Variants in TRMT1L observed in about 807,000 individuals in gnomAD.
The protein encoded by TRMT1L is tRNA methyltransferase 1L.
A neutral mutation model predicts 81.6 loss-of-function variants in TRMT1L; 28 were observed. That is an observed-to-expected ratio of 0.34 (90% CI 0.25 to 0.47). The LOEUF (loss-of-function observed/expected upper bound fraction) is 0.47, where lower values mean the gene tolerates loss of function less well. Ranked by LOEUF, TRMT1L falls within the 20% of genes least tolerant of loss-of-function variation. The probability of loss-of-function intolerance (pLI) is 1.00; values close to 1 mark genes in which losing one functional copy is unlikely to be tolerated. For missense variants in TRMT1L, 739 were observed against 877.1 expected (o/e 0.84, Z 1.99); for synonymous variants, 301 against 303.2 (o/e 0.99, Z 0.07).
chr1:185,134,776 A>G (rs1652855887), intron 10 of TRMT1L, among the ~76,000 whole-genome samples: 4 of 152,234 alleles, frequency 2.6e-5, no homozygotes, highest in Admixed American at 2.6e-4. Flanking sequence ...AAAAGCTTTG[A>G]ACATGAAGGA....
chr1:185,156,430 G>T (rs1427526591), intron 1 of TRMT1L, 48 bp downstream of exon 1: 5 of 1,613,394 alleles, frequency 3.1e-6, no homozygotes, highest in South Asian at 1.1e-5. Context: ...CCAGCAAGGC[G>T]CACTTTCTCT....
intron 7 of TRMT1L, 64 bp downstream of exon 7, chr1:185,143,293 C>A: frequency 1.4e-6 from 2 of 1,423,064 alleles, no homozygotes; most frequent in East Asian, 2.4e-5. Context: ...TATATATTTT[C>A]TAAGAAAAAA....
At chr1:185,148,282 AC>A (rs1281622833) in intron 3 of TRMT1L, among the ~76,000 whole-genome samples, 3 of 152,032 alleles carry the variant, frequency 2.0e-5, no homozygotes, top group Non-Finnish European at 2.9e-5. Flanking sequence ...GATGCATCTC[AC>A]CCTTTAAATG....
intron 11 of TRMT1L, among the ~76,000 whole-genome samples, chr1:185,125,370 T>C (rs1013716808): frequency 6.6e-6 from 1 of 152,188 alleles, no homozygotes; most frequent in African/African-American, 2.4e-5. Context: ...TGTCATCATG[T>C]TGCCCAGGCT....
chr1:185,122,383 A>G (rs1054677178), intron 13 of TRMT1L, among the ~76,000 whole-genome samples: 2 of 152,184 alleles, frequency 1.3e-5, no homozygotes, highest in Non-Finnish European at 2.9e-5. Context: ...AAATTAGTCT[A>G]ATTTCCTTAA....
intron 1 of TRMT1L, among the ~76,000 whole-genome samples, chr1:185,154,705 T>C (rs1653446822): frequency 6.6e-6 from 1 of 152,220 alleles, no homozygotes; most frequent in Non-Finnish European, 1.5e-5. Flanking sequence ...AATCCTGTGG[T>C]CTACTACTGA....
At chr1:185,136,994 T>TA (rs5779243) in intron 10 of TRMT1L, among the ~76,000 whole-genome samples, 15,058 of 150,666 alleles carry the variant, frequency 0.1, 959 homozygotes, top group East Asian at 0.25. Context: ...CAACACAGAT[T>TA]AAAAAAAAAG....
intron 11 of TRMT1L, among the ~76,000 whole-genome samples, chr1:185,126,591 T>A (rs544822882): frequency 6.6e-6 from 1 of 152,218 alleles, no homozygotes; most frequent in African/African-American, 2.4e-5. Flanking sequence ...TAAAGGGAAT[T>A]TAGAGATTAT....
chr1:185,124,973 A>T lies in TRMT1L; in HGVS notation c.1730T>A (p.Ile577Asn). Residue 577 changes from isoleucine to asparagine, a missense_variant, in exon 12 of 15, where the codon ATT becomes AAT. By Grantham distance (149) the Ile-to-Asn change is moderately radical. Transcript: ENST00000367506. ...CTTGTTGACATTTGAAGATGCATGA[A>T]TTGAAAACTGACTTTGAGGCGTACA... ...SECTPQSQFS[I>N]HASSNVNKQE... is the part of the protein sequence containing the mutation. 6.2e-7 allele frequency: 1 copy of T among 1,611,940 alleles called. No homozygotes were observed. The highest frequency in any genetic ancestry group is 8.5e-7 in the Non-Finnish European group (1 of 1,178,730).
rs770069989 is a variant in TRMT1L at position 185,143,931 on chromosome 1, A to C, written c.754T>G (p.Phe252Val). ...YSIPQKTDSY[F>V]NPKMKLNRQL... ...CGATTTAGTTTCATTTTGGGGTTAA[A>C]ATAGGAATCTGTTTTCTGAGGTATA... The change falls in exon 6 of 15, where the codon TTT becomes GTT. Residue 252 changes from phenylalanine (F) to valine (V), a missense_variant. Physicochemically the swap from Phe to Val is conservative, Grantham distance 50 (BLOSUM62 -1). Around this residue, in one of 4 missense-constraint regions of TRMT1L, gnomAD observed 331 missense variants for 462.2 expected, o/e 0.72. Transcript: ENST00000367506. 5.6e-6 allele frequency: 9 copies of C among 1,608,722 alleles called. No individual in the cohort carries two copies. Among genetic ancestry groups the C allele is most frequent in the Non-Finnish European group, 7.6e-6 (9 of 1,176,804 alleles).
chr1:185,134,976 A>C (rs1411782117), intron 10 of TRMT1L, among the ~76,000 whole-genome samples: 1 of 152,272 alleles, frequency 6.6e-6, no homozygotes, highest in Admixed American at 6.5e-5. Context: ...AGATGGTATA[A>C]CAAACAAAAA....
At position 185,156,783 on chromosome 1, in the gene TRMT1L, G is replaced by A. The variant is rs1215507980; in HGVS notation, c.-71C>T. 2 of 1,592,398 alleles carry A rather than the reference G, an allele frequency of 1.3e-6. No homozygotes were observed. Among genetic ancestry groups the A allele is most frequent in the Admixed American group, 1.8e-5 (1 of 56,740 alleles). Reference sequence around the variant, plus strand: ...CTCACGGCGGGGTCAGAGAACTGACGTGAATGCCCACAGGGCTGGATCCAA... The same window carrying A: ...CTCACGGCGGGGTCAGAGAACTGACATGAATGCCCACAGGGCTGGATCCAA... On this transcript the variant is annotated 5_prime_UTR_variant, in exon 1 of 15. It adds an upstream start codon to the 5' untranslated region. Coordinates refer to ENST00000367506, the MANE Select transcript of TRMT1L (RefSeq NM_030934.5).
At chr1:185,140,981 A>AC (rs1653023616) in intron 7 of TRMT1L, among the ~76,000 whole-genome samples, 2 of 151,702 alleles carry the variant, frequency 1.3e-5, no homozygotes, top group Admixed American at 1.3e-4. Context: ...AAAAAAAAAA[A>AC]AAAACAACAA....
In TRMT1L at chr1:185,120,280, A is replaced by C; in HGVS notation, c.1950-9T>G. 1.3e-6 allele frequency: 2 copies of C among 1,523,860 alleles called. No homozygotes were observed. Among genetic ancestry groups the C allele is most frequent in the Non-Finnish European group, 1.8e-6 (2 of 1,137,040 alleles). 94.4% of individuals were successfully genotyped at this position (1,523,860 alleles called of 1,614,324 possible). A position where few individuals can be genotyped will look rare whatever the true frequency, so the allele number is the denominator to read the frequency against. On this transcript the variant is annotated splice_polypyrimidine_tract_variant and intron_variant, in intron 14 of 14. Transcript: ENST00000367506. ...ACAAAAACTTTTTTAACCTGCAAAA[A>C]GGAAAGGAAAGAAAAAATAATCAGG...
chr1:185,135,577 A>G (rs1404100001), intron 10 of TRMT1L, among the ~76,000 whole-genome samples: 1 of 152,110 alleles, frequency 6.6e-6, no homozygotes, highest in Non-Finnish European at 1.5e-5. Context: ...ATTAGACAAC[A>G]CTTAGCTCAA....
At chr1:185,130,718 A>C (rs1056292637) in intron 10 of TRMT1L, among the ~76,000 whole-genome samples, 1 of 152,198 alleles carries the variant, frequency 6.6e-6, no homozygotes, top group African/African-American at 2.4e-5. Context: ...AGATGAAGTT[A>C]ATCTTTGGTG....
At chr1:185,153,382 G>A (rs1402549608) in intron 1 of TRMT1L, among the ~76,000 whole-genome samples, 2 of 152,126 alleles carry the variant, frequency 1.3e-5, no homozygotes, top group Non-Finnish European at 2.9e-5. Flanking sequence ...TAAGTAGAAG[G>A]AATCAGGAAT....
chr1:185,135,186 C>A (rs112001337), intron 10 of TRMT1L, among the ~76,000 whole-genome samples: 15,180 of 152,042 alleles, frequency 0.1, 976 homozygotes, highest in East Asian at 0.25. Context: ...GAGGCCAAGG[C>A]GGGCGGATTG....
At position 185,118,267 on chromosome 1, in the gene TRMT1L, C is replaced by A. The variant is rs1013014592; in HGVS notation, c.*1752G>T. 9 of 152,088 alleles carry A rather than the reference C, an allele frequency of 5.9e-5. No homozygotes were observed. The highest frequency in any genetic ancestry group is 2.2e-4 in the African/African-American group (9 of 41,408). 9.4% of individuals were successfully genotyped at this position (152,088 alleles called of 1,614,324 possible). A position where few individuals can be genotyped will look rare whatever the true frequency, so the allele number is the denominator to read the frequency against. ...TCTTTTGGTTGATGTAGTACCTGAT[C>A]AGAGTTCTAAACTACCGCCTACCAA... On this transcript the variant is annotated 3_prime_UTR_variant, in exon 15 of 15. Coordinates refer to ENST00000367506, the MANE Select transcript of TRMT1L (RefSeq NM_030934.5).
Sources: allele counts gnomAD v4.1 joint callset (sites outside exome capture counted in the v4.1 genomes callset), GRCh38; gene constraint gnomAD v4.1.1; regional missense constraint gnomAD v4.1.1; transcripts MANE v1.5; gene names NCBI Gene and HGNC (gene_info 2026-07-23, HGNC 2026-07-21).